Variants in ACSS3 observed in about 807,000 individuals in gnomAD.
The protein encoded by ACSS3 is acyl-CoA synthetase short chain family member 3.
A neutral mutation model predicts 84.2 loss-of-function variants in ACSS3; 64 were observed. That is an observed-to-expected ratio of 0.76 (90% CI 0.62 to 0.94). ACSS3 has a LOEUF of 0.94. Ranked by LOEUF, ACSS3 falls within the 40% of genes least tolerant of loss-of-function variation. The pLI is 0.00. For synonymous variants in ACSS3, 317 were observed against 310.1 expected (o/e 1.02, Z -0.23); for missense variants, 815 against 867.6 (o/e 0.94, Z 0.76).
rs563369558 is a variant in ACSS3 at position 81,215,056 on chromosome 12, C to A, written c.1355-1845C>A. Among the ~76,000 whole-genome samples, 3 of 152,258 alleles carry A rather than the reference C, an allele frequency of 2.0e-5. No homozygotes were observed. In the East Asian group the frequency reaches 5.8e-4, roughly 29 times the overall value. The stretch of plus-strand genomic sequence containing the variant: ...ATCACCCTGCTCTGGTCTCTCATAT[C>A]CATTTCGAAGGATAGCTGAGGTGAG... On this transcript the variant is annotated intron_variant, in intron 9 of 15. Coordinates refer to ENST00000548058, the MANE Select transcript of ACSS3 (RefSeq NM_024560.4).
Position 81,256,550 on chromosome 12 carries a change from T to G in ACSS3, c.*1628T>G, listed in dbSNP as rs1204999824. On this transcript the variant is annotated 3_prime_UTR_variant, in exon 16 of 16. Coordinates refer to ENST00000548058, the MANE Select transcript of ACSS3 (RefSeq NM_024560.4). ...GTATCTTTGATCGTTCTTCAAGTAT[T>G]TCTCAATCTTTTAATCTATCAGGAA... is the stretch of plus-strand genomic sequence containing the variant. 1 of 152,156 alleles carries G rather than the reference T, an allele frequency of 6.6e-6. No homozygotes were observed. Among genetic ancestry groups the G allele is most frequent in the African/African-American group, 2.4e-5 (1 of 41,442 alleles). 9.4% of individuals were successfully genotyped at this position (152,156 alleles called of 1,614,324 possible). A position where few individuals can be genotyped will look rare whatever the true frequency, so the allele number is the denominator to read the frequency against.
chr12:81,223,696 G>A (rs2033182492), intron 11 of ACSS3, among the ~76,000 whole-genome samples: 1 of 151,882 alleles, frequency 6.6e-6, no homozygotes, highest in African/African-American at 2.4e-5. Flanking sequence ...ATCTCTTCTG[G>A]GGAGATAAAA....
At chr12:81,237,713 G>C (rs571402060) in intron 13 of ACSS3, among the ~76,000 whole-genome samples, 1 of 151,726 alleles carries the variant, frequency 6.6e-6, no homozygotes, top group African/African-American at 2.4e-5. Context: ...ATGTTAATTT[G>C]ATTTTCAAAG....
intron 5 of ACSS3, among the ~76,000 whole-genome samples, chr12:81,151,166 G>A (rs1409224596): frequency 6.6e-6 from 1 of 152,106 alleles, no homozygotes; most frequent in African/African-American, 2.4e-5. Flanking sequence ...GTTGGGGAGA[G>A]CTATTTGAAA....
At chr12:81,101,111 T>A (rs963052230) in intron 1 of ACSS3, among the ~76,000 whole-genome samples, 1 of 152,248 alleles carries the variant, frequency 6.6e-6, no homozygotes, top group Non-Finnish European at 1.5e-5. Context: ...GAAGCAAAAT[T>A]TTTATGGCCC....
intron 11 of ACSS3, among the ~76,000 whole-genome samples, chr12:81,222,735 G>A (rs2033150847): frequency 6.6e-6 from 1 of 151,886 alleles, no homozygotes; most frequent in African/African-American, 2.4e-5. Context: ...TTGTTCTCCT[G>A]GGGACCCCTT....
intron 13 of ACSS3, among the ~76,000 whole-genome samples, chr12:81,241,611 T>C (rs973789404): frequency 4.6e-5 from 7 of 152,208 alleles, no homozygotes; most frequent in African/African-American, 1.7e-4. Context: ...TTTTCATGTG[T>C]TTTTTGGCTG....
At chr12:81,083,989 C>T (rs115590852) in intron 1 of ACSS3, among the ~76,000 whole-genome samples, 263 of 152,072 alleles carry the variant, frequency 1.7e-3, no homozygotes, top group African/African-American at 2.5e-3. Flanking sequence ...AACAAAAACC[C>T]GGAATGTCTG....
At chr12:81,243,136 A>G (rs2033866686) in intron 13 of ACSS3, among the ~76,000 whole-genome samples, 1 of 152,130 alleles carries the variant, frequency 6.6e-6, no homozygotes, top group South Asian at 2.1e-4. Flanking sequence ...AAATCTCCTT[A>G]AGCTGATAAG....
chr12:81,085,104 G>A (rs1000726939), intron 1 of ACSS3, among the ~76,000 whole-genome samples: 3 of 152,300 alleles, frequency 2.0e-5, no homozygotes, highest in Non-Finnish European at 2.9e-5. Flanking sequence ...TTATGAAATA[G>A]GAATGAAGGG....
At chr12:81,199,209 G>A (rs1037864298) in intron 8 of ACSS3, 132 bp from the exon 9 acceptor site, 21 of 717,936 alleles carry the variant, frequency 2.9e-5, no homozygotes, top group Non-Finnish European at 4.5e-5. Context: ...TCATTATACA[G>A]TGTGATGTAT....
chr12:81,227,974 A>G (rs569563216), intron 11 of ACSS3, among the ~76,000 whole-genome samples: 1 of 151,940 alleles, frequency 6.6e-6, no homozygotes, highest in South Asian at 2.1e-4. Context: ...TCTGTAATCC[A>G]AAGGGAACCA....
chr12:81,239,789 A>C (rs1327151860), intron 13 of ACSS3, among the ~76,000 whole-genome samples: 1 of 152,050 alleles, frequency 6.6e-6, no homozygotes, highest in Non-Finnish European at 1.5e-5. Flanking sequence ...CCGTATCAGA[A>C]AGTAAAATAA....
chr12:81,241,873 G>T (rs1026314210), intron 13 of ACSS3, among the ~76,000 whole-genome samples: 2 of 152,066 alleles, frequency 1.3e-5, no homozygotes, highest in Non-Finnish European at 1.5e-5. Flanking sequence ...GGCTTTTGTT[G>T]CCATTACTTT....
At chr12:81,236,390 A>AT (rs2033631569) in intron 13 of ACSS3, among the ~76,000 whole-genome samples, 1 of 151,290 alleles carries the variant, frequency 6.6e-6, no homozygotes, top group Admixed American at 6.6e-5. Context: ...ATCAATAGTA[A>AT]TTTTCCTTAT....
chr12:81,110,295 T>C (rs905158061), intron 2 of ACSS3, among the ~76,000 whole-genome samples: 1 of 152,206 alleles, frequency 6.6e-6, no homozygotes, highest in African/African-American at 2.4e-5. Context: ...CTAGATGTCT[T>C]GTTATTGCCT....
chr12:81,243,855 C>T (rs1339707035), intron 13 of ACSS3, among the ~76,000 whole-genome samples: 2 of 152,076 alleles, frequency 1.3e-5, no homozygotes, highest in Admixed American at 1.3e-4. Context: ...TTATTTTGAA[C>T]AAACTTATCT....
At chr12:81,107,511 CAT>C (rs566270568) in intron 1 of ACSS3, among the ~76,000 whole-genome samples, 1,406 of 38,478 alleles carry the variant, frequency 0.037, 22 homozygotes, top group East Asian at 0.057. Context: ...CAAATATATA[CAT>C]ATATATATAT....
chr12:81,119,321 A>G (rs1884351059), intron 2 of ACSS3, among the ~76,000 whole-genome samples: 2 of 152,172 alleles, frequency 1.3e-5, no homozygotes, highest in African/African-American at 4.8e-5. Context: ...AAAGGGCAAA[A>G]TCAAAAACTC....
Sources: allele counts gnomAD v4.1 joint callset (sites outside exome capture counted in the v4.1 genomes callset), GRCh38; gene constraint gnomAD v4.1.1; transcripts MANE v1.5; gene names NCBI Gene and HGNC (gene_info 2026-07-23, HGNC 2026-07-21).